MID1: variants seen among roughly 807,000 people sequenced by gnomAD.
MID1 encodes E3 ubiquitin-protein ligase Midline-1.
A neutral mutation model predicts 40.4 loss-of-function variants in MID1; 7 were observed. The observed-to-expected ratio is 0.17, with a 90% CI of 0.10 to 0.33. The LOEUF is 0.33. Ranked by LOEUF, MID1 falls within the 10% of genes least tolerant of loss-of-function variation. MID1 has a pLI of 1.00. For synonymous variants in MID1, 229 were observed against 221.2 expected, an observed-to-expected ratio of 1.04 and a Z score of -0.31; for missense variants, 367 against 558.5, an observed-to-expected ratio of 0.66 and a Z score of 3.46.
intron 1 of MID1, among the ~76,000 whole-genome samples, chrX:10,817,514 C>CTTTCTT (rs1195422523): frequency 3.7e-5 from 3 of 80,435 alleles, no homozygotes; most frequent in African/African-American, 9.4e-5. Context: ...TTCTTTTTTT[C>CTTTCTT]TCTTTCTTTC....
intron 2 of MID1, among the ~76,000 whole-genome samples, chrX:10,540,641 C>G (rs1933432543): frequency 9.0e-6 from 1 of 111,056 alleles, no homozygotes; most frequent in African/African-American, 3.3e-5. Flanking sequence ...TCCAAATAGT[C>G]AATTTGGTGA....
intron 2 of MID1, among the ~76,000 whole-genome samples, chrX:10,554,120 C>T (rs1454836363): frequency 1.8e-5 from 2 of 111,855 alleles, no homozygotes; most frequent in East Asian, 2.8e-4. Flanking sequence ...GCTGCTCCCA[C>T]CCACTAAATG....
intron 1 of MID1, among the ~76,000 whole-genome samples, chrX:10,614,482 G>C (rs1015232865): frequency 5.4e-5 from 6 of 112,047 alleles, no homozygotes; most frequent in Admixed American, 3.8e-4. Flanking sequence ...GTAGCTCCAG[G>C]CTCCACTGCT....
intron 3 of MID1, among the ~76,000 whole-genome samples, chrX:10,514,605 T>G (rs1326687633): frequency 8.9e-6 from 1 of 112,333 alleles, no homozygotes; most frequent in Admixed American, 9.4e-5. Context: ...GTAAACTGTT[T>G]CAACTGTCTT....
intron 4 of MID1, among the ~76,000 whole-genome samples, chrX:10,485,621 C>A (rs781726632): frequency 8.9e-6 from 1 of 112,203 alleles, no homozygotes; most frequent in South Asian, 3.7e-4. Context: ...CTGTTTATAT[C>A]ATTTTATTTG....
chrX:10,735,041 T>C (rs2043477713), intron 1 of MID1, among the ~76,000 whole-genome samples: 1 of 112,176 alleles, frequency 8.9e-6, no homozygotes, highest in Admixed American at 9.4e-5. Context: ...AAAACTGACT[T>C]CCCTTCGGTA....
chrX:10,454,920 A>G lies in MID1; in HGVS notation c.1605T>C (p.Phe535=), dbSNP rs768522341. 228 of 1,209,861 alleles carry G rather than the reference A, an allele frequency of 1.9e-4. 2 individuals are homozygous for G. In the Middle Eastern group the frequency reaches 7.3e-3, roughly 39 times the overall value. ...CCCAATAATGCCGGCCACTATCAAT[A>G]AACACATTTCCAGCTACTCCATAGC... ...QGSYGVAGNV[F]IDSGRHYWEV... is the part of the protein sequence containing the mutation. The change falls in exon 9 of 10, where the codon TTT becomes TTC. Residue 535 remains phenylalanine (F), a synonymous_variant. Transcript: ENST00000317552.
intron 1 of MID1, among the ~76,000 whole-genome samples, chrX:10,778,088 T>C (rs1280251043): frequency 8.9e-6 from 1 of 111,873 alleles, no homozygotes; most frequent in Non-Finnish European, 1.9e-5. Context: ...AAAAGCATAG[T>C]ATAATAAATA....
chrX:10,718,295 C>T (rs887693090), intron 1 of MID1, among the ~76,000 whole-genome samples: 65 of 111,217 alleles, frequency 5.8e-4, no homozygotes, highest in African/African-American at 2.1e-3. Context: ...TTGATAGACT[C>T]CTAGCACGAC....
intron 1 of MID1, among the ~76,000 whole-genome samples, chrX:10,637,623 T>TAA (rs1235106806): frequency 6.3e-5 from 6 of 94,654 alleles, no homozygotes; most frequent in Non-Finnish European, 2.1e-5. Flanking sequence ...AGACTCCATC[T>TAA]AAAAAAAAAA....
chrX:10,754,309 G>GTTTTTTTTTT (rs200251008), intron 1 of MID1, among the ~76,000 whole-genome samples: 21 of 104,575 alleles, frequency 2.0e-4, no homozygotes, highest in African/African-American at 8.4e-4. Flanking sequence ...GTTTTTTTTT[G>GTTTTTTTTTT]TTTTTTGTTT....
intron 3 of MID1, among the ~76,000 whole-genome samples, chrX:10,502,361 G>T (rs1931591998): frequency 8.9e-6 from 1 of 112,270 alleles, no homozygotes; most frequent in Non-Finnish European, 1.9e-5. Flanking sequence ...ACACTGACTT[G>T]ATATATCACT....
At chrX:10,801,998 A>G (rs1454663617) in intron 1 of MID1, among the ~76,000 whole-genome samples, 1 of 110,650 alleles carries the variant, frequency 9.0e-6, no homozygotes, top group Non-Finnish European at 1.9e-5. Context: ...CCTGGCCAAC[A>G]TGGTGAAACC....
chrX:10,642,731 G>C (rs1224371292), intron 1 of MID1, among the ~76,000 whole-genome samples: 1 of 110,294 alleles, frequency 9.1e-6, no homozygotes, highest in Non-Finnish European at 1.9e-5. Context: ...AAAGAACAAA[G>C]CTGGAGGCAT....
At chrX:10,508,981 C>T (rs755054935) in intron 3 of MID1, among the ~76,000 whole-genome samples, 1 of 111,322 alleles carries the variant, frequency 9.0e-6, no homozygotes, top group Non-Finnish European at 1.9e-5. Context: ...CCTTTGTATC[C>T]TGGTCTTAGT....
chrX:10,599,531 A>G (rs181152566), intron 1 of MID1, among the ~76,000 whole-genome samples: 43 of 112,573 alleles, frequency 3.8e-4, no homozygotes, highest in Admixed American at 8.4e-4. Context: ...AAAGAGAAGG[A>G]AAAGGATTAA....
chrX:10,813,133 G>A (rs2044113427), intron 1 of MID1, among the ~76,000 whole-genome samples: 1 of 110,027 alleles, frequency 9.1e-6, no homozygotes, highest in Non-Finnish European at 1.9e-5. Flanking sequence ...CTAGGCAGCA[G>A]GAAGATGGTC....
At chrX:10,570,841 T>C (rs1220170312) in intron 1 of MID1, among the ~76,000 whole-genome samples, 1 of 112,540 alleles carries the variant, frequency 8.9e-6, no homozygotes, top group African/African-American at 3.2e-5. Context: ...AGCATTGGCC[T>C]GCACATCTTA....
intron 3 of MID1, among the ~76,000 whole-genome samples, chrX:10,500,503 T>G (rs1931487497): frequency 8.9e-6 from 1 of 112,560 alleles, no homozygotes; most frequent in African/African-American, 3.2e-5. Flanking sequence ...TTCCAAAAGA[T>G]ACAATAAAAC....
Sources: gnomAD v4.1 joint callset for allele counts (sites outside exome capture counted in the v4.1 genomes callset) on GRCh38, gnomAD v4.1.1 for gene constraint, MANE v1.5 for transcripts, NCBI Gene and HGNC (gene_info 2026-07-23, HGNC 2026-07-21) for gene names.